Variants in ZNF585A observed in about 807,000 individuals in gnomAD.
ZNF585A encodes the protein zinc finger protein 585A.
ZNF585A carries 9 observed loss-of-function variants against 14.9 expected under a neutral mutation model. That is an observed-to-expected ratio of 0.60 (90% CI 0.36 to 1.05). ZNF585A has a LOEUF of 1.05. Ranked by LOEUF, ZNF585A falls within the 50% of genes least tolerant of loss-of-function variation. The pLI is 0.01. For synonymous variants in ZNF585A, 276 were observed against 319.9 expected, an observed-to-expected ratio of 0.86 and a Z score of 1.46; for missense variants, 726 against 926.4, an observed-to-expected ratio of 0.78 and a Z score of 2.81.
At chr19:37,155,707 G>A (rs1971916624) in intron 4 of ZNF585A, among the ~76,000 whole-genome samples, 158 bp downstream of exon 4, 1 of 152,154 alleles carries the variant, frequency 6.6e-6, no homozygotes, top group Non-Finnish European at 1.5e-5. Context: ...AATGCATTTA[G>A]TGATCTGAGA....
At position 37,152,982 on chromosome 19, in the gene ZNF585A, G is replaced by C. The variant is rs769443221; in HGVS notation, c.917C>G (p.Ser306Cys). 8.7e-6 allele frequency: 14 copies of C among 1,614,076 alleles called. No homozygotes were observed. The highest frequency in any genetic ancestry group is 1.6e-4 in the Middle Eastern group (1 of 6,084). ...CTGAAGTTGTGACTTGGAAATGAAGGATTTGCCACAGTTACTGCACTCATA... is the reference window on the plus strand; with the variant it reads ...CTGAAGTTGTGACTTGGAAATGAAGCATTTGCCACAGTTACTGCACTCATA... ...KPYECSNCGK[S>C]FISKSQLQVH... is the part of the protein sequence containing the mutation. The change falls in exon 5 of 5, where the codon TCC becomes TGC. Residue 306 changes from serine (S) to cysteine (C), a missense_variant. Ser to Cys is a moderately radical substitution (Grantham distance 112). This residue lies in a region of ZNF585A where 483 missense variants were observed against 542.8 expected (regional missense o/e 0.89). Transcript: ENST00000292841.
In ZNF585A at chr19:37,153,293, G is replaced by C; in HGVS notation, c.606C>G (p.Phe202Leu). Reference protein sequence around the residue: ...GKSFFQVSSLFRHQRIHTGEK... With the variant: ...GKSFFQVSSLLRHQRIHTGEK... Reference sequence around the variant, plus strand: ...CTCCGGTATGAATTCTCTGATGCCTGAAGAGGGACGACACTTGAAAAAAGG... The same window carrying C: ...CTCCGGTATGAATTCTCTGATGCCTCAAGAGGGACGACACTTGAAAAAAGG... The change falls in exon 5 of 5, where the codon TTC becomes TTG. Residue 202 changes from phenylalanine (F) to leucine (L), a missense_variant. Phe to Leu is a conservative substitution (Grantham distance 22, BLOSUM62 0). This residue lies in a region of ZNF585A where 483 missense variants were observed against 542.8 expected (regional missense o/e 0.89). Transcript: ENST00000292841. The C allele has an allele frequency of 6.2e-7, 1 of 1,614,178 alleles. No homozygotes were observed.
rs931346715 is a variant in ZNF585A, at chr19:37,146,795, G to A, written c.*4794C>T. ...CTGTGACCAGGAGGAGGCTAAGTTA[G>A]ATCTTGTAAACAGTGTGGAATGTAT... is the stretch of plus-strand genomic sequence containing the variant. On this transcript the variant is annotated 3_prime_UTR_variant, in exon 5 of 5. Coordinates refer to ENST00000292841, the MANE Select transcript of ZNF585A (RefSeq NM_001288800.2). 1 of 152,466 alleles carries A rather than the reference G, an allele frequency of 6.6e-6. No homozygotes were observed. Among genetic ancestry groups the A allele is most frequent in the African/African-American group, 2.4e-5 (1 of 41,386 alleles). The allele number at this position is 152,466 out of a possible 1,614,324, so 9.4% of individuals were successfully genotyped here.
intron 2 of ZNF585A, among the ~76,000 whole-genome samples, chr19:37,167,589 TTTTTA>T (rs59039152): frequency 0.024 from 3,502 of 144,136 alleles, 52 homozygotes; most frequent in African/African-American, 0.036. Context: ...TTACTTTTTA[TTTTTA>T]TTTTATTTTA....
In ZNF585A at chr19:37,152,248, C is replaced by T. The variant is rs773241542; in HGVS notation, c.1651G>A (p.Glu551Lys). The change falls in exon 5 of 5, where the codon GAA (glutamate) becomes AAA (lysine). Residue 551 changes from glutamate to lysine, a missense_variant. By Grantham distance (56) the Glu-to-Lys change is moderately conservative. Coordinates refer to ENST00000292841, the MANE Select transcript of ZNF585A (RefSeq NM_001288800.2). ...QKIHTGERQY[E>K]CHECGKAFNQ... ...AAGGCTTTCCCACATTCGTGGCATT[C>T]ATACTGTCTCTCTCCAGTGTGAATT... The T allele has an allele frequency of 6.2e-6, 10 of 1,613,966 alleles. No individual in the cohort carries two copies. Among genetic ancestry groups the T allele is most frequent in the Non-Finnish European group, 8.5e-6 (10 of 1,180,028 alleles).
At position 37,151,965 on chromosome 19, in the gene ZNF585A, C is replaced by A. The variant is rs529134578; in HGVS notation, c.1934G>T (p.Gly645Val). 1 of 1,613,316 alleles carries A rather than the reference C, an allele frequency of 6.2e-7. No individual in the cohort carries two copies. Among genetic ancestry groups the A allele is most frequent in the African/African-American group, 1.3e-5 (1 of 74,620 alleles). ...VCAECGKAFS[G>V]RSNLSKHQKT... ...CTGGTGCTTACTGAGATTTGACCTGCCACTAAAGGCCTTCCCGCACTCGGC... is the reference window on the plus strand; with the variant it reads ...CTGGTGCTTACTGAGATTTGACCTGACACTAAAGGCCTTCCCGCACTCGGC... Residue 645 changes from glycine to valine, a missense_variant, in exon 5 of 5, where the codon GGC (glycine) becomes GTC (valine). This residue lies in a region of ZNF585A where 243 missense variants were observed against 383.6 expected (regional missense o/e 0.63). Transcript: ENST00000292841.
chr19:37,161,859 C>A (rs1972018479), intron 2 of ZNF585A, among the ~76,000 whole-genome samples: 1 of 152,208 alleles, frequency 6.6e-6, no homozygotes, highest in East Asian at 1.9e-4. Context: ...CACGAGCACA[C>A]AGGAAGAAAT....
intron 4 of ZNF585A, among the ~76,000 whole-genome samples, chr19:37,155,005 T>TC (rs1331957661): frequency 2.3e-4 from 34 of 146,216 alleles, no homozygotes; most frequent in Non-Finnish European, 3.2e-4. Flanking sequence ...ATCTTTTTTT[T>TC]TTTTTTTTTT....
chr19:37,170,129 AG>A, intron 1 of ZNF585A, 75 bp from the exon 2 acceptor site: 1 of 504,600 alleles, frequency 2.0e-6, no homozygotes, highest in Non-Finnish European at 3.5e-6. Context: ...ATCAAGGTGC[AG>A]GTCCCTGAGC....
At position 37,151,778 on chromosome 19, in the gene ZNF585A, C is replaced by T; in HGVS notation, c.2121G>A (p.Val707=). The change falls in exon 5 of 5, where the codon GTG becomes GTA. Residue 707 remains valine, a synonymous_variant. Transcript: ENST00000292841. The part of the protein sequence containing the change: ...KSFTKKSQLQ[V]HQRIHTGEKP... Reference sequence around the variant, plus strand: ...TCTCTCCAGTGTGAATTCGCTGATGCACTTGGAGCTGTGATTTTTTAGTGA... The same window carrying T: ...TCTCTCCAGTGTGAATTCGCTGATGTACTTGGAGCTGTGATTTTTTAGTGA... 2 of 1,613,398 alleles carry T rather than the reference C, an allele frequency of 1.2e-6. No individual in the cohort carries two copies. Among genetic ancestry groups the T allele is most frequent in the East Asian group, 2.2e-5 (1 of 44,814 alleles).
intron 4 of ZNF585A, 26 bp downstream of exon 4, chr19:37,155,839 A>G (rs1198238031): frequency 6.2e-7 from 1 of 1,610,908 alleles, no homozygotes; most frequent in Admixed American, 1.7e-5. Context: ...TCTCCCATCT[A>G]CCGGATTCAC....
chr19:37,147,387 A>G lies in ZNF585A; in HGVS notation c.*4202T>C, dbSNP rs1971756470. 1 of 152,200 alleles carries G rather than the reference A, an allele frequency of 6.6e-6. No homozygotes were observed. The highest frequency in any genetic ancestry group is 1.5e-5 in the Non-Finnish European group (1 of 68,042). 9.4% of individuals were successfully genotyped at this position (152,200 alleles called of 1,614,324 possible). A position where few individuals can be genotyped will look rare whatever the true frequency, so the allele number is the denominator to read the frequency against. On this transcript the variant is annotated 3_prime_UTR_variant, in exon 5 of 5. Transcript: ENST00000292841. ...CCAGAGAAAAGATCCTTGATGTTAA[A>G]ACAGCCAGAATTGAGATGCCTGACA...
chr19:37,152,395 C>T lies in ZNF585A; in HGVS notation c.1504G>A (p.Ala502Thr). The change falls in exon 5 of 5, where the codon GCC (alanine) becomes ACC (threonine). Residue 502 changes from alanine (A) to threonine (T), a missense_variant. By Grantham distance (58) the Ala-to-Thr change is moderately conservative (BLOSUM62 0). Around this residue, in one of 2 missense-constraint regions of ZNF585A, gnomAD observed 243 missense variants for 383.6 expected, o/e 0.63. Transcript: ENST00000292841. Reference sequence around the variant, plus strand: ...ATCAAGTCTGACCTCTGGGTGAAGGCCTTTCCACATTTGGAACATATATAA... The same window carrying T: ...ATCAAGTCTGACCTCTGGGTGAAGGTCTTTCCACATTTGGAACATATATAA... ...KSYICSKCGK[A>T]FTQRSDLITH... 1.9e-6 allele frequency: 3 copies of T among 1,613,802 alleles called. No homozygotes were observed. Among genetic ancestry groups the T allele is most frequent in the Non-Finnish European group, 2.5e-6 (3 of 1,179,952 alleles).
At position 37,152,765 on chromosome 19, in the gene ZNF585A, T is replaced by G. The variant is rs1484115791; in HGVS notation, c.1134A>C (p.Gly378=). 3 of 1,614,208 alleles carry G rather than the reference T, an allele frequency of 1.9e-6. No individual in the cohort carries two copies. Among genetic ancestry groups the G allele is most frequent in the Admixed American group, 1.7e-5 (1 of 60,030 alleles). The part of the protein sequence containing the change: ...ELIIHQRIHT[G]EKPYECSDCG... ...AGTCACTGCATTCATAAGGTTTCTC[T>G]CCAGTGTGAATTCTCTGATGAATAA... is the stretch of plus-strand genomic sequence containing the variant. The change falls in exon 5 of 5, where the codon GGA becomes GGC. Residue 378 remains glycine (G), a synonymous_variant. Transcript: ENST00000292841.
At chr19:37,170,522 T>C (rs554911741) in intron 1 of ZNF585A, among the ~76,000 whole-genome samples, 1 of 152,230 alleles carries the variant, frequency 6.6e-6, no homozygotes, top group Non-Finnish European at 1.5e-5. Flanking sequence ...TCTCGCTCTG[T>C]CGCCAGGCTG....
chr19:37,151,552 A>T lies in ZNF585A; in HGVS notation c.*37T>A, dbSNP rs2145395064. ...CATGCGTGCAACAGTGTACAATCAG[A>T]CCCAACCCTCAGGGGGGTTTTCTCA... On this transcript the variant is annotated 3_prime_UTR_variant, in exon 5 of 5. Transcript: ENST00000292841. The T allele has an allele frequency of 6.4e-7, 1 of 1,572,416 alleles. No individual in the cohort carries two copies. Among genetic ancestry groups the T allele is most frequent in the South Asian group, 1.2e-5 (1 of 82,846 alleles).
At chr19:37,160,222 T>C (rs1194427366) in intron 2 of ZNF585A, among the ~76,000 whole-genome samples, 1 of 151,662 alleles carries the variant, frequency 6.6e-6, no homozygotes, top group East Asian at 1.9e-4. Context: ...CAAATAGTGG[T>C]CCCAGCTATT....
chr19:37,159,156 C>T (rs893372830), intron 2 of ZNF585A, among the ~76,000 whole-genome samples: 4 of 146,728 alleles, frequency 2.7e-5, no homozygotes, highest in African/African-American at 5.1e-5. Context: ...GGCTGAGGCA[C>T]GAGAATCACT....
chr19:37,158,610 A>G (rs574160109), intron 2 of ZNF585A, among the ~76,000 whole-genome samples: 1 of 152,356 alleles, frequency 6.6e-6, no homozygotes, highest in Admixed American at 6.5e-5. Flanking sequence ...AAAAATTACA[A>G]GAGAATGGAC....
Sources: gnomAD v4.1 joint callset for allele counts (sites outside exome capture counted in the v4.1 genomes callset) on GRCh38, gnomAD v4.1.1 for gene constraint, gnomAD v4.1.1 regional missense constraint, MANE v1.5 for transcripts, NCBI Gene and HGNC (gene_info 2026-07-23, HGNC 2026-07-21) for gene names.